SP140L: variants seen among roughly 807,000 people sequenced by gnomAD.
The protein encoded by SP140L is SP140 like nuclear body protein.
In SP140L, 64 loss-of-function variants were observed where a neutral mutation model predicts 84.3. The observed-to-expected ratio is 0.76, with a 90% CI of 0.62 to 0.94. The LOEUF is 0.94. Among genes scored for constraint, SP140L ranks in the 40% least tolerant of loss-of-function variants. The pLI is 0.00. For missense variants in SP140L, 628 were observed against 692.5 expected (o/e 0.91, Z 1.05); for synonymous variants, 242 against 236.9 (o/e 1.02, Z -0.20).
chr2:230,401,255 C>T, intron 16 of SP140L, 111 bp from the exon 17 acceptor site: 2 of 1,577,020 alleles, frequency 1.3e-6, no homozygotes, highest in Non-Finnish European at 1.7e-6. Flanking sequence ...CCAAGAGCCA[C>T]ACATGTTAGA....
chr2:230,363,596 G>T (rs1442667864), intron 5 of SP140L, among the ~76,000 whole-genome samples: 1 of 151,196 alleles, frequency 6.6e-6, no homozygotes, highest in Non-Finnish European at 1.5e-5. Flanking sequence ...CATATGGTTT[G>T]CAAATATTTT....
chr2:230,350,536 T>C (rs1420271179), intron 2 of SP140L, among the ~76,000 whole-genome samples: 1 of 152,240 alleles, frequency 6.6e-6, no homozygotes, highest in Admixed American at 6.5e-5. Flanking sequence ...CAAATACTTA[T>C]TGAACACCTT....
In SP140L at chr2:230,359,133, G is replaced by A. The variant is rs371729961; in HGVS notation, c.439+1G>A. The A allele has an allele frequency of 6.2e-7, 1 of 1,605,176 alleles. No homozygotes were observed. Among genetic ancestry groups the A allele is most frequent in the African/African-American group, 1.3e-5 (1 of 74,210 alleles). On this transcript the variant is annotated splice_donor_variant, in intron 4 of 18. Transcript: ENST00000415673. LOFTEE classifies it high-confidence loss of function. Reference sequence around the variant, plus strand: ...CACATTTATAAAAGCTTCAAAAATGGTAATTAGGTTTATTATCTACCTTTT... The same window carrying A: ...CACATTTATAAAAGCTTCAAAAATGATAATTAGGTTTATTATCTACCTTTT...
In SP140L at chr2:230,403,203, T is replaced by C. The variant is rs969690666; in HGVS notation, c.*307T>C. ...AACATTTATTACTCACAAGACCTTT[T>C]TCCTCCGTTTTTTTTTTGAGATGGA... On this transcript the variant is annotated 3_prime_UTR_variant, in exon 19 of 19. Coordinates refer to ENST00000415673, the MANE Select transcript of SP140L (RefSeq NM_138402.6). The C allele has an allele frequency of 7.6e-5, 18 of 237,270 alleles. No individual in the cohort carries two copies. Among genetic ancestry groups the C allele is most frequent in the African/African-American group, 3.7e-4 (16 of 43,192 alleles). The allele number at this position is 237,270 out of a possible 1,614,324, so 14.7% of individuals were successfully genotyped here. A position where few individuals can be genotyped will look rare whatever the true frequency, so the allele number is the denominator to read the frequency against.
In SP140L at chr2:230,370,946, G is replaced by A. The variant is rs749714882; in HGVS notation, c.562G>A (p.Asp188Asn). ...AAGCCCGGAAGCAAGGAAGGAAAGT[G>A]ACCAAGCATGTGGCAAAATGGGTAA... is the stretch of plus-strand genomic sequence containing the variant. ...PESPEARKES[D>N]QACGKMDTVD... The change falls in exon 6 of 19, where the codon GAC becomes AAC. Residue 188 changes from aspartate (D) to asparagine (N), a missense_variant. Asp to Asn is a conservative substitution (Grantham distance 23). Coordinates refer to ENST00000415673, the MANE Select transcript of SP140L (RefSeq NM_138402.6). 1.1e-5 allele frequency: 17 copies of A among 1,612,918 alleles called. No individual in the cohort carries two copies. The highest frequency in any genetic ancestry group is 1.4e-5 in the Non-Finnish European group (17 of 1,179,500).
At chr2:230,400,837 C>G in intron 15 of SP140L, 118 bp from the exon 16 acceptor site, 1 of 1,573,876 alleles carries the variant, frequency 6.4e-7, no homozygotes, top group Non-Finnish European at 8.6e-7. Flanking sequence ...GGGAGGTGTT[C>G]CCCTCCCTCC....
At chr2:230,355,808 A>G (rs2060527389) in intron 2 of SP140L, among the ~76,000 whole-genome samples, 1 of 152,178 alleles carries the variant, frequency 6.6e-6, no homozygotes, top group South Asian at 2.1e-4. Context: ...TTATAAAAGA[A>G]AAAATAATAA....
At chr2:230,356,832 C>G (rs1232475514) in intron 2 of SP140L, among the ~76,000 whole-genome samples, 2 of 152,124 alleles carry the variant, frequency 1.3e-5, no homozygotes, top group Admixed American at 6.6e-5. Context: ...GCTCATTGTC[C>G]TCCACCATTC....
intron 2 of SP140L, among the ~76,000 whole-genome samples, chr2:230,329,116 A>G (rs2059657451): frequency 6.6e-6 from 1 of 152,210 alleles, no homozygotes; most frequent in Non-Finnish European, 1.5e-5. Context: ...ATCTTACGAC[A>G]TAGATTTTAT....
At chr2:230,400,486 A>C in intron 15 of SP140L, 1 of 522,096 alleles carries the variant, frequency 1.9e-6, no homozygotes, top group Non-Finnish European at 3.5e-6. Context: ...CTTTGCCTAC[A>C]TACTGGTATT....
At chr2:230,374,489 A>G (rs2061182228) in intron 7 of SP140L, among the ~76,000 whole-genome samples, 1 of 152,202 alleles carries the variant, frequency 6.6e-6, no homozygotes, top group African/African-American at 2.4e-5. Flanking sequence ...ACAACAAAGG[A>G]TTTAGAATAT....
intron 9 of SP140L, among the ~76,000 whole-genome samples, chr2:230,387,350 A>T (rs781600144): frequency 1.1e-4 from 16 of 152,166 alleles, no homozygotes; most frequent in Non-Finnish European, 2.1e-4. Flanking sequence ...AACTTGTTTG[A>T]TCTTGGGATA....
intron 15 of SP140L, 97 bp from the exon 16 acceptor site, chr2:230,400,858 C>G (rs1334206964): frequency 6.5e-7 from 1 of 1,546,758 alleles, no homozygotes; most frequent in African/African-American, 1.4e-5. Flanking sequence ...CATGACTGAG[C>G]CCATCAGCCA....
chr2:230,337,872 G>C (rs1368897106), intron 2 of SP140L, among the ~76,000 whole-genome samples: 1 of 152,040 alleles, frequency 6.6e-6, no homozygotes, highest in East Asian at 1.9e-4. Context: ...TTTGGTACCA[G>C]TACCATGCTG....
Position 230,382,797 on chromosome 2 carries a change from C to T in SP140L, c.638-713C>T, listed in dbSNP as rs551432508. On this transcript the variant is annotated intron_variant, in intron 7 of 18. Transcript: ENST00000415673. ...ATGATCCCTTTCTGGGGACTGCTCCCTTCAGTGAGCCTACTGCCCTCCCAT... is the reference window on the plus strand; with the variant it reads ...ATGATCCCTTTCTGGGGACTGCTCCTTTCAGTGAGCCTACTGCCCTCCCAT... Among the ~76,000 whole-genome samples, 16 of 152,338 alleles carry T rather than the reference C, an allele frequency of 1.1e-4. No homozygotes were observed. The South Asian group carries it at 3.3e-3, about 32-fold the overall frequency.
In SP140L at chr2:230,359,095, C is replaced by T. The variant is rs766797108; in HGVS notation, c.402C>T (p.Tyr134=). ...ALFSEVNMQE[Y]PDLIHIYKSF... ...TCAGCGAGGTCAACATGCAGGAATA[C>T]CCCGATTTAATTCACATTTATAAAA... The change falls in exon 4 of 19, where the codon TAC becomes TAT. Residue 134 remains tyrosine, a synonymous_variant. Coordinates refer to ENST00000415673, the MANE Select transcript of SP140L (RefSeq NM_138402.6). 1 of 1,608,654 alleles carries T rather than the reference C, an allele frequency of 6.2e-7. No homozygotes were observed. Among genetic ancestry groups the T allele is most frequent in the East Asian group, 2.2e-5 (1 of 44,854 alleles).
chr2:230,371,906 G>A (rs2061087044), intron 7 of SP140L: 5 of 436,604 alleles, frequency 1.1e-5, no homozygotes, highest in Non-Finnish European at 2.1e-5. Context: ...GTTATGTGGT[G>A]GGCCCAATCT....
At chr2:230,347,167 C>T (rs1329554629) in intron 2 of SP140L, among the ~76,000 whole-genome samples, 1 of 152,196 alleles carries the variant, frequency 6.6e-6, no homozygotes, top group African/African-American at 2.4e-5. Flanking sequence ...GCTGGGGCCA[C>T]TGGCTCGCCT....
intron 12 of SP140L, 44 bp downstream of exon 12, chr2:230,392,273 T>G: frequency 6.2e-7 from 1 of 1,603,786 alleles, no homozygotes; most frequent in East Asian, 2.2e-5. Context: ...ATTCTTCTTG[T>G]TCCCTAATAA....
Sources: allele counts gnomAD v4.1 joint callset (sites outside exome capture counted in the v4.1 genomes callset), GRCh38; gene constraint gnomAD v4.1.1; transcripts MANE v1.5; gene names NCBI Gene and HGNC (gene_info 2026-07-23, HGNC 2026-07-21).